The following ANKRD45 variants were observed in gnomAD, a reference collection of about 807,000 sequenced individuals.
ANKRD45 encodes ankyrin repeat domain-containing protein 45.
In ANKRD45, 21 loss-of-function variants were observed where a neutral mutation model predicts 28.1. The ratio of observed to expected loss-of-function variants is 0.75; its 90% confidence interval spans 0.53 to 1.08. ANKRD45 has a LOEUF of 1.08. Among genes scored for constraint, ANKRD45 ranks in the 50% least tolerant of loss-of-function variants. The pLI is 0.00. For missense variants in ANKRD45, 261 were observed against 308.7 expected, an observed-to-expected ratio of 0.85 and a Z score of 1.16; for synonymous variants, 86 against 103.9, an observed-to-expected ratio of 0.83 and a Z score of 1.05.
the ANKRD45 span, among the ~76,000 whole-genome samples, chr1:173,678,756 G>T: frequency 2.0e-5 from 3 of 152,078 alleles, no homozygotes; most frequent in Non-Finnish European, 4.4e-5. Context: ...GAAAAAGAGG[G>T]AGTCAAATTG....
the ANKRD45 span, among the ~76,000 whole-genome samples, chr1:173,688,707 G>T: frequency 2.6e-5 from 3 of 114,738 alleles, no homozygotes; most frequent in African/African-American, 1.2e-4. Context: ...CTCTCTTTCT[G>T]CCTCTTTCCT....
intron 1 of ANKRD45, among the ~76,000 whole-genome samples, chr1:173,662,720 A>C (rs1669832184): frequency 6.6e-6 from 1 of 152,186 alleles, no homozygotes; most frequent in Admixed American, 6.5e-5. Flanking sequence ...TTAAGGGGAA[A>C]GCAAAACAAA....
chr1:173,655,087 A>G (rs1669438685), intron 2 of ANKRD45, among the ~76,000 whole-genome samples: 1 of 152,172 alleles, frequency 6.6e-6, no homozygotes, highest in Non-Finnish European at 1.5e-5. Context: ...GACCTTCTGA[A>G]GCCAACTTCT....
At chr1:173,658,421 A>T (rs1669640621) in intron 2 of ANKRD45, 1 of 152,336 alleles carries the variant, frequency 6.6e-6, no homozygotes, top group African/African-American at 2.4e-5. Context: ...ATTTTGTTGT[A>T]GTCACTGATC....
At chr1:173,689,845 G>T in the ANKRD45 span, among the ~76,000 whole-genome samples, 3 of 151,826 alleles carry the variant, frequency 2.0e-5, no homozygotes, top group East Asian at 5.8e-4. Context: ...TCATCAGGAG[G>T]GTGCTCACAT....
In ANKRD45 at chr1:173,626,092, T is replaced by G. The variant is rs142826040; in HGVS notation, c.591+973A>C. Among the ~76,000 whole-genome samples, 24 of 152,322 alleles carry G rather than the reference T, an allele frequency of 1.6e-4. 2 individuals carry two copies. The highest frequency in any genetic ancestry group is 5.5e-4 in the African/African-American group (23 of 41,592). On this transcript the variant is annotated intron_variant, in intron 4 of 5. Transcript: ENST00000333279. The stretch of plus-strand genomic sequence containing the variant: ...TAATAAATTTTGCCTACATTTTGTT[T>G]GTTTCACAAGAGATTTTGCAGAGTA...
the ANKRD45 span, among the ~76,000 whole-genome samples, chr1:173,705,856 T>TTA: frequency 6.6e-6 from 1 of 152,012 alleles, no homozygotes; most frequent in Admixed American, 6.6e-5. Flanking sequence ...ATCTTTCAAT[T>TTA]TATATATATA....
At chr1:173,634,954 A>G (rs917932453) in intron 3 of ANKRD45, among the ~76,000 whole-genome samples, 1 of 151,970 alleles carries the variant, frequency 6.6e-6, no homozygotes, top group African/African-American at 2.4e-5. Flanking sequence ...ATTCCCAAAC[A>G]AAAAAATAAA....
intron 3 of ANKRD45, chr1:173,637,011 A>G (rs959339907): frequency 2.0e-6 from 3 of 1,533,646 alleles, no homozygotes; most frequent in East Asian, 2.4e-5. Flanking sequence ...AAGAAGAGTA[A>G]AGAAGAAGGA....
At chr1:173,643,592 T>C (rs188769139) in intron 3 of ANKRD45, among the ~76,000 whole-genome samples, 1 of 152,278 alleles carries the variant, frequency 6.6e-6, no homozygotes, top group East Asian at 1.9e-4. Context: ...ATTTTCAGTA[T>C]AATAAATGAT....
At chr1:173,622,125 GA>G (rs1667733425) in intron 5 of ANKRD45, among the ~76,000 whole-genome samples, 1 of 152,098 alleles carries the variant, frequency 6.6e-6, no homozygotes, top group South Asian at 2.1e-4. Flanking sequence ...TCTTGAAGGA[GA>G]ACTACAAACC....
At chr1:173,634,352 C>A (rs184331058) in intron 3 of ANKRD45, among the ~76,000 whole-genome samples, 1 of 151,888 alleles carries the variant, frequency 6.6e-6, no homozygotes, top group Non-Finnish European at 1.5e-5. Flanking sequence ...TCTGTATCTC[C>A]CTACTAGAAA....
In ANKRD45 at chr1:173,659,329, T is replaced by C. The variant is rs1669682711; in HGVS notation, c.90A>G (p.Pro30=). The part of the protein sequence containing the change: ...EENEEEEAQE[P]EETGPKNPLL... Reference sequence around the variant, plus strand: ...GGGGGTTCTTAGGGCCTGTTTCCTCTGGTTCTTGGGCTTCTTCTTCTTCAT... The same window carrying C: ...GGGGGTTCTTAGGGCCTGTTTCCTCCGGTTCTTGGGCTTCTTCTTCTTCAT... The change falls in exon 2 of 6, where the codon CCA becomes CCG. Residue 30 remains proline, a synonymous_variant. Coordinates refer to ENST00000333279, the MANE Select transcript of ANKRD45 (RefSeq NM_198493.3). The C allele has an allele frequency of 2.5e-6, 4 of 1,613,504 alleles. No homozygotes were observed. Among genetic ancestry groups the C allele is most frequent in the Middle Eastern group, 1.6e-4 (1 of 6,062 alleles).
At chr1:173,700,894 G>A in the ANKRD45 span, among the ~76,000 whole-genome samples, 1 of 152,080 alleles carries the variant, frequency 6.6e-6, no homozygotes, top group Non-Finnish European at 1.5e-5. Context: ...CAACCTACAG[G>A]ATGGGAGAAA....
intron 5 of ANKRD45, among the ~76,000 whole-genome samples, chr1:173,613,895 A>G (rs1174199693): frequency 1.3e-5 from 2 of 152,216 alleles, no homozygotes; most frequent in African/African-American, 4.8e-5. Context: ...AGAAGTAGAC[A>G]TGGGAGACTT....
At chr1:173,664,426 G>T (rs753963499) in intron 1 of ANKRD45, among the ~76,000 whole-genome samples, 3 of 151,984 alleles carry the variant, frequency 2.0e-5, no homozygotes, top group African/African-American at 4.8e-5. Context: ...GGAACACCAG[G>T]GTCCCAGCCA....
At chr1:173,687,632 ATTCT>A in the ANKRD45 span, among the ~76,000 whole-genome samples, 5 of 152,142 alleles carry the variant, frequency 3.3e-5, no homozygotes, top group South Asian at 2.1e-4. Context: ...GATTTCAATT[ATTCT>A]TTATTATTAA....
the ANKRD45 span, among the ~76,000 whole-genome samples, chr1:173,689,985 A>G: frequency 7.0e-6 from 1 of 143,490 alleles, no homozygotes; most frequent in East Asian, 2.2e-4. Flanking sequence ...TTGGTCTGCC[A>G]CTCCATAAGG....
At chr1:173,714,995 A>C in the ANKRD45 span, 1 of 152,632 alleles carries the variant, frequency 6.6e-6, no homozygotes, top group South Asian at 2.1e-4. Context: ...TGCCTGCGTT[A>C]GCGGCGGTGG....
Sources: allele counts gnomAD v4.1 joint callset (sites outside exome capture counted in the v4.1 genomes callset), GRCh38; gene constraint gnomAD v4.1.1; transcripts MANE v1.5; gene names NCBI Gene and HGNC (gene_info 2026-07-23, HGNC 2026-07-21).